DENND11: variants seen among roughly 807,000 people sequenced by gnomAD.
The protein encoded by DENND11 is DENN domain containing 11.
A neutral mutation model predicts 49.2 loss-of-function variants in DENND11; 34 were observed. The ratio of observed to expected loss-of-function variants is 0.69; its 90% CI spans 0.53 to 0.92. The LOEUF is 0.92. Ranked by LOEUF, DENND11 falls within the 40% of genes least tolerant of loss-of-function variation. The pLI is 0.00. For synonymous variants in DENND11, 238 were observed against 230.3 expected, an observed-to-expected ratio of 1.03 and a Z score of -0.30; for missense variants, 475 against 581.6, an observed-to-expected ratio of 0.82 and a Z score of 1.88.
rs974451461 is a variant in DENND11 at position 141,662,378 on chromosome 7, T to G, written c.*278A>C. 1 of 370,904 alleles carries G rather than the reference T, an allele frequency of 2.7e-6. No homozygotes were observed. The highest frequency in any genetic ancestry group is 4.8e-6 in the Non-Finnish European group (1 of 208,976). 23.0% of individuals were successfully genotyped at this position (370,904 alleles called of 1,614,324 possible). A position where few individuals can be genotyped will look rare whatever the true frequency, so the allele number is the denominator to read the frequency against. The stretch of plus-strand genomic sequence containing the variant: ...TTTCCAGAGCTCAGCCTACTCCTAG[T>G]GATACAACTCCCATGACCAAGCCCA... On this transcript the variant is annotated 3_prime_UTR_variant, in exon 9 of 9. Transcript: ENST00000536163.
rs558523320 is a variant in DENND11, at chr7:141,662,350, A to G, written c.*306T>C. Reference sequence around the variant, plus strand: ...CAGACTTTCTGAACAGTCCATCCCAATGTTTCCAGAGCTCAGCCTACTCCT... The same window carrying G: ...CAGACTTTCTGAACAGTCCATCCCAGTGTTTCCAGAGCTCAGCCTACTCCT... On this transcript the variant is annotated 3_prime_UTR_variant, in exon 9 of 9. Coordinates refer to ENST00000536163, the MANE Select transcript of DENND11 (RefSeq NM_001080392.2). The G allele has an allele frequency of 1.7e-3, 547 of 321,670 alleles. 2 individuals are homozygous for G. Among genetic ancestry groups the G allele is most frequent in the Non-Finnish European group, 2.4e-3 (418 of 177,798 alleles). The allele number at this position is 321,670 out of a possible 1,614,324, so 19.9% of individuals were successfully genotyped here. A position where few individuals can be genotyped will look rare whatever the true frequency, so the allele number is the denominator to read the frequency against.
intron 4 of DENND11, among the ~76,000 whole-genome samples, chr7:141,673,078 G>A (rs578166301): frequency 1.3e-5 from 2 of 152,046 alleles, no homozygotes; most frequent in Non-Finnish European, 2.9e-5. Flanking sequence ...GCATTTTTCC[G>A]TGTCCACATC....
intron 4 of DENND11, among the ~76,000 whole-genome samples, chr7:141,671,754 G>A (rs1441969537): frequency 1.3e-5 from 2 of 152,096 alleles, no homozygotes; most frequent in African/African-American, 4.8e-5. Flanking sequence ...GGACTCTGAA[G>A]GAAAAAATGG....
intron 4 of DENND11, among the ~76,000 whole-genome samples, chr7:141,667,348 C>T (rs1797911541): frequency 6.6e-6 from 1 of 152,188 alleles, no homozygotes; most frequent in Non-Finnish European, 1.5e-5. Context: ...AATCCTGGCC[C>T]TGCCATTTAC....
At chr7:141,690,302 G>C (rs976371120) in intron 1 of DENND11, among the ~76,000 whole-genome samples, 3 of 152,112 alleles carry the variant, frequency 2.0e-5, no homozygotes, top group Non-Finnish European at 4.4e-5. Flanking sequence ...TTCTCCTTAG[G>C]ACACCCACAT....
intron 1 of DENND11, among the ~76,000 whole-genome samples, chr7:141,697,087 G>C (rs1798425824): frequency 6.6e-6 from 1 of 152,186 alleles, no homozygotes; most frequent in Non-Finnish European, 1.5e-5. Flanking sequence ...GTGTGGTGTG[G>C]ATAAGGGGTG....
chr7:141,674,175 G>C lies in DENND11; in HGVS notation c.573C>G (p.Phe191Leu), dbSNP rs1798029183. The C allele has an allele frequency of 1.3e-6, 2 of 1,557,634 alleles. No homozygotes were observed. Among genetic ancestry groups the C allele is most frequent in the Non-Finnish European group, 8.7e-7 (1 of 1,150,788 alleles). Residue 191 changes from phenylalanine (F) to leucine (L), a missense_variant, in exon 4 of 9, where the codon TTC (phenylalanine) becomes TTG (leucine). By Grantham distance (22) the Phe-to-Leu change is conservative (BLOSUM62 0). Coordinates refer to ENST00000536163, the MANE Select transcript of DENND11 (RefSeq NM_001080392.2). ...GGAGCACCCCCTTTTTGTCCTCATA[G>C]AAGGCAGCCAGATGAGAGTAATGTC... is the stretch of plus-strand genomic sequence containing the variant. Reference protein sequence around the residue: ...MPGHYSHLAAFYEDKKGVLHA... With the variant: ...MPGHYSHLAALYEDKKGVLHA...
chr7:141,694,871 C>T (rs1439713892), intron 1 of DENND11, among the ~76,000 whole-genome samples: 1 of 152,174 alleles, frequency 6.6e-6, no homozygotes, highest in Non-Finnish European at 1.5e-5. Flanking sequence ...TCGTTCTGGG[C>T]CATGCCATGC....
intron 3 of DENND11, among the ~76,000 whole-genome samples, chr7:141,685,059 T>TAC (rs56243093): frequency 5.6e-5 from 8 of 142,842 alleles, no homozygotes; most frequent in African/African-American, 1.8e-4. Flanking sequence ...TATATATATA[T>TAC]TTTTAAGTTC....
At chr7:141,697,445 G>A (rs1050423983) in intron 1 of DENND11, among the ~76,000 whole-genome samples, 1 of 152,194 alleles carries the variant, frequency 6.6e-6, no homozygotes, top group African/African-American at 2.4e-5. Context: ...CTGGCATTAG[G>A]TGGAAATACA....
intron 1 of DENND11, among the ~76,000 whole-genome samples, chr7:141,694,434 A>C (rs1798378547): frequency 6.6e-6 from 1 of 151,862 alleles, no homozygotes; most frequent in Admixed American, 6.6e-5. Context: ...CTAATTTTTT[A>C]AATTTTTATA....
intron 1 of DENND11, among the ~76,000 whole-genome samples, chr7:141,692,795 T>C (rs900889178): frequency 2.0e-5 from 3 of 152,090 alleles, no homozygotes; most frequent in African/African-American, 7.2e-5. Flanking sequence ...CAAGGAGCTG[T>C]GCTCACTCCA....
At position 141,662,890 on chromosome 7, in the gene DENND11, G is replaced by GGGGGGGGC. The variant is rs1554407457; in HGVS notation, c.1173-40_1173-39insGCCCCCCC. ...ACAAGACACAGGAAAGGAAGCGGGG[G>GGGGGGGGC]GGAATAAAAAGCTCACCAGATAATC... On this transcript the variant is annotated intron_variant, in intron 8 of 8. Coordinates refer to ENST00000536163, the MANE Select transcript of DENND11 (RefSeq NM_001080392.2). The GGGGGGGGC allele has an allele frequency of 1.2e-5, 18 of 1,449,446 alleles. No individual in the cohort carries two copies. The African/African-American group carries it at 2.8e-4, about 22-fold the overall frequency. 89.8% of individuals were successfully genotyped at this position (1,449,446 alleles called of 1,614,324 possible).
chr7:141,657,063 T>C lies in DENND11; in HGVS notation c.*5593A>G, dbSNP rs1363601769. 2.6e-5 allele frequency: 4 copies of C among 152,652 alleles called. No homozygotes were observed. Among genetic ancestry groups the C allele is most frequent in the African/African-American group, 7.2e-5 (3 of 41,440 alleles). The allele number at this position is 152,652 out of a possible 1,614,324, so 9.5% of individuals were successfully genotyped here. On this transcript the variant is annotated 3_prime_UTR_variant, in exon 9 of 9. Coordinates refer to ENST00000536163, the MANE Select transcript of DENND11 (RefSeq NM_001080392.2). ...ACAAAAATAGATTCAGTCTCTCGTA[T>C]TGCTATAACTCTTAGGCTGGGGTAT...
chr7:141,699,916 TCACACACA>T (rs145606748), intron 1 of DENND11, among the ~76,000 whole-genome samples: 8 of 146,794 alleles, frequency 5.4e-5, no homozygotes, highest in African/African-American at 1.7e-4. Flanking sequence ...AAACCATCAC[TCACACACA>T]CACACACACA....
intron 3 of DENND11, among the ~76,000 whole-genome samples, chr7:141,677,443 G>A (rs1291027340): frequency 2.1e-5 from 3 of 144,562 alleles, no homozygotes; most frequent in African/African-American, 7.6e-5. Flanking sequence ...ATGTGTGTGT[G>A]TGTGTGTATT....
At chr7:141,676,217 T>C (rs1357334863) in intron 3 of DENND11, among the ~76,000 whole-genome samples, 3 of 152,206 alleles carry the variant, frequency 2.0e-5, no homozygotes, top group Non-Finnish European at 4.4e-5. Context: ...TATAGGGGGC[T>C]GTGTCAAGGG....
At chr7:141,668,544 C>T (rs1469342960) in intron 4 of DENND11, among the ~76,000 whole-genome samples, 1 of 152,228 alleles carries the variant, frequency 6.6e-6, no homozygotes, top group Non-Finnish European at 1.5e-5. Context: ...TGAGATCACA[C>T]CACTGCCCTC....
chr7:141,690,210 AG>A (rs1798305056), intron 1 of DENND11, among the ~76,000 whole-genome samples: 1 of 152,222 alleles, frequency 6.6e-6, no homozygotes, highest in Non-Finnish European at 1.5e-5. Context: ...ATGATGCTGC[AG>A]CCACCATCCC....
Sources: allele counts gnomAD v4.1 joint callset (sites outside exome capture counted in the v4.1 genomes callset), GRCh38; gene constraint gnomAD v4.1.1; transcripts MANE v1.5; gene names NCBI Gene and HGNC (gene_info 2026-07-23, HGNC 2026-07-21).